TRPC4AP: variants seen among roughly 807,000 people sequenced by gnomAD.
TRPC4AP encodes transient receptor potential cation channel subfamily C member 4 associated protein.
Under a neutral mutation model 99.0 loss-of-function variants are expected in TRPC4AP, and 45 were observed. That is an observed-to-expected ratio of 0.45 (90% CI 0.36 to 0.58). The LOEUF is 0.58. Ranked by LOEUF, TRPC4AP falls within the 20% of genes least tolerant of loss-of-function variation. The pLI, the probability that TRPC4AP is intolerant of heterozygous loss-of-function variation, is 0.00. For synonymous variants in TRPC4AP, 408 were observed against 385.8 expected, an observed-to-expected ratio of 1.06 and a Z score of -0.67; for missense variants, 879 against 985.3, an observed-to-expected ratio of 0.89 and a Z score of 1.44.
In TRPC4AP at chr20:35,049,949, T is replaced by G. The variant is rs1162744663; in HGVS notation, c.574A>C (p.Ile192Leu). 6.2e-7 allele frequency: 1 copy of G among 1,613,994 alleles called. No homozygotes were observed. The highest frequency in any genetic ancestry group is 1.7e-5 in the Admixed American group (1 of 59,980). ...CTTGTCATCAATGTAAACAGGAAGA[T>G]CACAAAGTCATTCTTTTCTGCCAAA... ...KRLAEKNDFV[I>L]FLFTLMTSKK... The change falls in exon 6 of 19, where the codon ATC becomes CTC. Residue 192 changes from isoleucine to leucine, a missense_variant. Ile to Leu is a conservative substitution (Grantham distance 5). Around this residue, in one of 3 missense-constraint regions of TRPC4AP, gnomAD observed 603 missense variants for 631.8 expected, o/e 0.95. Transcript: ENST00000252015.
intron 7 of TRPC4AP, among the ~76,000 whole-genome samples, chr20:35,036,699 C>A (rs2083326760): frequency 6.6e-6 from 1 of 151,928 alleles, no homozygotes; most frequent in Admixed American, 6.6e-5. Context: ...GTAATCCTAG[C>A]ACTTTGGGAG....
At chr20:35,086,393 T>C (rs1389110907) in intron 1 of TRPC4AP, among the ~76,000 whole-genome samples, 2 of 151,124 alleles carry the variant, frequency 1.3e-5, no homozygotes, top group Admixed American at 6.6e-5. Context: ...ATTTAAGGGC[T>C]TGTGAATACG....
At position 35,029,888 on chromosome 20, in the gene TRPC4AP, A is replaced by G. The variant is rs1335111672; in HGVS notation, c.1051+5235T>C. ...CCTGACCTCGTGATCCGCCCACCTC[A>G]GACTCCCAAAGTGCTGGGATTACAG... On this transcript the variant is annotated intron_variant, in intron 8 of 18. Coordinates refer to ENST00000252015, the MANE Select transcript of TRPC4AP (RefSeq NM_015638.3). Among the ~76,000 whole-genome samples the G allele has an allele frequency of 4.1e-5, 6 of 145,456 alleles. No homozygotes were observed. The South Asian group carries it at 1.1e-3, about 27-fold the overall frequency.
At chr20:35,080,232 C>CT (rs1314480996) in intron 1 of TRPC4AP, among the ~76,000 whole-genome samples, 1 of 151,482 alleles carries the variant, frequency 6.6e-6, no homozygotes, top group Non-Finnish European at 1.5e-5. Context: ...TCTCATGCCT[C>CT]TGATGCCAAA....
chr20:35,069,393 G>T lies in TRPC4AP; in HGVS notation c.317C>A (p.Ser106Tyr). ...NILKEISPLL[S>Y]MEAMAFVTEE... ...AGTAACAAATGCCATAGCCTCCATGGAGAGAAGAGGAGAAATTTCCTAGTT... is the reference window on the plus strand; with the variant it reads ...AGTAACAAATGCCATAGCCTCCATGTAGAGAAGAGGAGAAATTTCCTAGTT... The change falls in exon 3 of 19, where the codon TCC becomes TAC. Residue 106 changes from serine (S) to tyrosine (Y), a missense_variant. This residue lies in a region of TRPC4AP where 603 missense variants were observed against 631.8 expected (regional missense o/e 0.95). Coordinates refer to ENST00000252015, the MANE Select transcript of TRPC4AP (RefSeq NM_015638.3). 1 of 1,608,156 alleles carries T rather than the reference G, an allele frequency of 6.2e-7. No homozygotes were observed. The highest frequency in any genetic ancestry group is 8.5e-7 in the Non-Finnish European group (1 of 1,176,296).
At chr20:35,092,031 TA>T (rs1471187855) in intron 1 of TRPC4AP, among the ~76,000 whole-genome samples, 2 of 152,138 alleles carry the variant, frequency 1.3e-5, no homozygotes, top group African/African-American at 4.8e-5. Flanking sequence ...GAACTCAGCC[TA>T]ATGTGGGAGA....
At chr20:35,058,687 C>T (rs78858961) in intron 3 of TRPC4AP, among the ~76,000 whole-genome samples, 193 of 110,270 alleles carry the variant, frequency 1.8e-3, no homozygotes, top group Middle Eastern at 5.7e-3. Flanking sequence ...AAAGAAAATT[C>T]TTTTTTTTTT....
chr20:35,054,617 T>C (rs563843396), intron 5 of TRPC4AP, among the ~76,000 whole-genome samples: 13 of 152,318 alleles, frequency 8.5e-5, no homozygotes, highest in Non-Finnish European at 1.0e-4. Context: ...CTCATTTTGT[T>C]TTCTAACAAG....
At chr20:35,080,371 C>A (rs558534226) in intron 1 of TRPC4AP, among the ~76,000 whole-genome samples, 1 of 151,764 alleles carries the variant, frequency 6.6e-6, no homozygotes, top group Admixed American at 6.6e-5. Context: ...TGTAGTGGCA[C>A]ATGCCTGTAG....
At chr20:35,079,749 T>G (rs918712936) in intron 1 of TRPC4AP, among the ~76,000 whole-genome samples, 3 of 152,074 alleles carry the variant, frequency 2.0e-5, no homozygotes, top group African/African-American at 4.8e-5. Flanking sequence ...TATGAACCGT[T>G]TGCCCCAATA....
At chr20:35,014,288 G>C (rs1219425440) in intron 10 of TRPC4AP, among the ~76,000 whole-genome samples, 6 of 151,748 alleles carry the variant, frequency 4.0e-5, no homozygotes, top group Admixed American at 3.3e-4. Flanking sequence ...ATTACAAGGG[G>C]AAGTGGCTAG....
intron 1 of TRPC4AP, 117 bp from the exon 2 acceptor site, chr20:35,078,291 A>T (rs2084538458): frequency 9.6e-7 from 1 of 1,045,354 alleles, no homozygotes; most frequent in South Asian, 1.7e-5. Context: ...TTTATCTCTA[A>T]GCACTACTAT....
intron 2 of TRPC4AP, 115 bp from the exon 3 acceptor site, chr20:35,069,527 T>TC (rs2084249614): frequency 2.9e-6 from 2 of 682,104 alleles, no homozygotes; most frequent in Non-Finnish European, 5.2e-6. Flanking sequence ...ACAAAGACAG[T>TC]CCCCAATGAA....
At chr20:35,042,448 C>G (rs905687366) in intron 7 of TRPC4AP, among the ~76,000 whole-genome samples, 1 of 152,170 alleles carries the variant, frequency 6.6e-6, no homozygotes, top group African/African-American at 2.4e-5. Context: ...GCAGAGCCAG[C>G]CTGGGGAATG....
chr20:35,042,059 C>T (rs1475139927), intron 7 of TRPC4AP, among the ~76,000 whole-genome samples: 2 of 152,154 alleles, frequency 1.3e-5, no homozygotes, highest in African/African-American at 4.8e-5. Context: ...ATGTGCACAA[C>T]GTGCAGGTTT....
chr20:35,049,952 C>G lies in TRPC4AP; in HGVS notation c.571G>C (p.Val191Leu), dbSNP rs1388662660. The G allele has an allele frequency of 6.2e-7, 1 of 1,614,012 alleles. No homozygotes were observed. The highest frequency in any genetic ancestry group is 1.1e-5 in the South Asian group (1 of 91,056). ...TKRLAEKNDF[V>L]IFLFTLMTSK... ...GTCATCAATGTAAACAGGAAGATCA[C>G]AAAGTCATTCTTTTCTGCCAAACGC... Residue 191 changes from valine (V) to leucine (L), a missense_variant, in exon 6 of 19, where the codon GTG becomes CTG. Physicochemically the swap from Val to Leu is conservative, Grantham distance 32. Coordinates refer to ENST00000252015, the MANE Select transcript of TRPC4AP (RefSeq NM_015638.3).
Position 35,024,823 on chromosome 20 carries a change from C to A in TRPC4AP, c.1052-3467G>T, listed in dbSNP as rs2082981532. Among the ~76,000 whole-genome samples the A allele has an allele frequency of 2.9e-4, 8 of 27,228 alleles. No individual in the cohort carries two copies. In the South Asian group the frequency reaches 8.3e-3, roughly 28 times the overall value. 17.9% of individuals were successfully genotyped at this position (27,228 alleles called of 152,430 possible). ...AGCCTAGGTGACAGAGAGAGACCGT[C>A]TCAAAAAAAAAAAAAAAAAAAAAAA... On this transcript the variant is annotated intron_variant, in intron 8 of 18. Transcript: ENST00000252015.
chr20:35,059,752 G>T (rs567212090), intron 3 of TRPC4AP, among the ~76,000 whole-genome samples: 4 of 147,146 alleles, frequency 2.7e-5, no homozygotes, highest in South Asian at 2.2e-4. Context: ...CGAAGAAGAA[G>T]AAGACGAAGA....
At chr20:35,054,494 T>G (rs1354912521) in intron 5 of TRPC4AP, among the ~76,000 whole-genome samples, 2 of 152,150 alleles carry the variant, frequency 1.3e-5, no homozygotes, top group East Asian at 1.9e-4. Flanking sequence ...GTCCTAACAC[T>G]AAGTGCCATC....
Sources: allele counts gnomAD v4.1 joint callset (sites outside exome capture counted in the v4.1 genomes callset), GRCh38; gene constraint gnomAD v4.1.1; regional missense constraint gnomAD v4.1.1; transcripts MANE v1.5; gene names NCBI Gene and HGNC (gene_info 2026-07-23, HGNC 2026-07-21).